The following TAF2 variants were observed in gnomAD, a reference collection of about 807,000 sequenced individuals.
TAF2 encodes transcription initiation factor TFIID subunit 2.
In TAF2, 61 loss-of-function variants were observed where a neutral mutation model predicts 138.5. That is an observed-to-expected ratio of 0.44 (90% confidence interval 0.36 to 0.54). The LOEUF (loss-of-function observed/expected upper bound fraction) is 0.54. TAF2 is among the 20% of genes least tolerant of loss of function. TAF2 has a pLI of 0.00. For missense variants in TAF2, 1,090 were observed against 1,427.9 expected, an observed-to-expected ratio of 0.76 and a Z score of 3.81; for synonymous variants, 475 against 469.9, an observed-to-expected ratio of 1.01 and a Z score of -0.14.
chr8:119,823,158 A>C (rs888637992), intron 2 of TAF2, among the ~76,000 whole-genome samples: 2 of 152,200 alleles, frequency 1.3e-5, no homozygotes, highest in African/African-American at 4.8e-5. Flanking sequence ...CTTTAGATCT[A>C]TGCTATCCTC....
Position 119,832,575 on chromosome 8 carries a change from C to T in TAF2, c.-11G>A, listed in dbSNP as rs372350242. On this transcript the variant is annotated 5_prime_UTR_variant, in exon 1 of 26. Transcript: ENST00000378164. ...ACCAGTCAGCGGCATGAAGCGGTCC[C>T]GCGGAGCTTGGCTTCCCGGCTTCCT... 6.2e-7 allele frequency: 1 copy of T among 1,612,258 alleles called. No homozygotes were observed. Among genetic ancestry groups the T allele is most frequent in the Non-Finnish European group, 8.5e-7 (1 of 1,179,908 alleles).
At chr8:119,811,578 G>A (rs948356543) in intron 3 of TAF2, among the ~76,000 whole-genome samples, 7 of 151,716 alleles carry the variant, frequency 4.6e-5, no homozygotes, top group East Asian at 1.9e-4. Context: ...AGGCCGAGGC[G>A]GGCAGATCAC....
At chr8:119,800,653 T>C (rs1824192043) in intron 6 of TAF2, among the ~76,000 whole-genome samples, 1 of 152,034 alleles carries the variant, frequency 6.6e-6, no homozygotes, top group South Asian at 2.1e-4. Context: ...TTAAAAAGAG[T>C]CATTGTTAAG....
chr8:119,746,704 C>T lies in TAF2; in HGVS notation c.3108+1G>A. 6.2e-7 allele frequency: 1 copy of T among 1,613,868 alleles called. No individual in the cohort carries two copies. Among genetic ancestry groups the T allele is most frequent in the Non-Finnish European group, 8.5e-7 (1 of 1,179,776 alleles). ...TCTTCTGTAATACATGTGATTCTTACAGGGTTCTGAAATCCAACTAGCTGT... is the reference window on the plus strand; with the variant it reads ...TCTTCTGTAATACATGTGATTCTTATAGGGTTCTGAAATCCAACTAGCTGT... On this transcript the variant is annotated splice_donor_variant, in intron 23 of 25. Coordinates refer to ENST00000378164, the MANE Select transcript of TAF2 (RefSeq NM_003184.4). LOFTEE classifies it high-confidence loss of function.
intron 22 of TAF2, among the ~76,000 whole-genome samples, chr8:119,755,565 T>C (rs1406747636): frequency 1.3e-5 from 2 of 152,054 alleles, no homozygotes; most frequent in Non-Finnish European, 2.9e-5. Flanking sequence ...AGAACAATAA[T>C]AATAAGTATT....
intron 25 of TAF2, among the ~76,000 whole-genome samples, chr8:119,735,409 A>AT (rs1041125730): frequency 6.6e-6 from 1 of 152,186 alleles, no homozygotes; most frequent in African/African-American, 2.4e-5. Context: ...AAGGTCACTG[A>AT]TTTTGAGGAG....
intron 14 of TAF2, among the ~76,000 whole-genome samples, chr8:119,785,744 G>A (rs116447322): frequency 6.6e-6 from 1 of 152,206 alleles, no homozygotes; most frequent in African/African-American, 2.4e-5. Flanking sequence ...TACGCACAAG[G>A]TTCAAGATAA....
At chr8:119,832,356 C>T in intron 1 of TAF2, 126 bp downstream of exon 1, 1 of 829,506 alleles carries the variant, frequency 1.2e-6, no homozygotes, top group African/African-American at 1.7e-5. Context: ...CCATTTCCAT[C>T]ACAGTGAGTA....
chr8:119,747,142 T>C (rs1418449758), intron 22 of TAF2, among the ~76,000 whole-genome samples: 1 of 152,178 alleles, frequency 6.6e-6, no homozygotes, highest in African/African-American at 2.4e-5. Context: ...CTTTTTATTC[T>C]TTCTCCTCAG....
intron 18 of TAF2, among the ~76,000 whole-genome samples, chr8:119,770,054 G>GC: frequency 8.1e-6 from 1 of 123,200 alleles, no homozygotes; most frequent in Non-Finnish European, 1.7e-5. Flanking sequence ...ACTGCACGCA[G>GC]CCCCCAATTT....
At chr8:119,746,512 T>C (rs1030908407) in intron 23 of TAF2, among the ~76,000 whole-genome samples, 193 bp downstream of exon 23, 3 of 152,196 alleles carry the variant, frequency 2.0e-5, no homozygotes, top group East Asian at 1.9e-4. Context: ...TCATTCGTTA[T>C]GTGCAGTTTT....
intron 6 of TAF2, among the ~76,000 whole-genome samples, chr8:119,798,806 AC>A: frequency 6.6e-6 from 1 of 152,306 alleles, no homozygotes; most frequent in African/African-American, 2.4e-5. Flanking sequence ...ATTAGAGGCT[AC>A]CATAAGAGTG....
chr8:119,745,657 C>G (rs893318887), intron 23 of TAF2, among the ~76,000 whole-genome samples: 1 of 151,544 alleles, frequency 6.6e-6, no homozygotes, highest in Non-Finnish European at 1.5e-5. Context: ...ATTTTGTCAT[C>G]AATAAAAAAA....
At chr8:119,792,405 C>A (rs946759823) in intron 10 of TAF2, among the ~76,000 whole-genome samples, 1 of 152,044 alleles carries the variant, frequency 6.6e-6, no homozygotes, top group Non-Finnish European at 1.5e-5. Flanking sequence ...ACCTGCCCAG[C>A]GTCCCAAAGT....
At chr8:119,809,976 G>C (rs1483112913) in intron 3 of TAF2, among the ~76,000 whole-genome samples, 2 of 131,262 alleles carry the variant, frequency 1.5e-5, no homozygotes, top group African/African-American at 5.7e-5. Flanking sequence ...TTGATGTAAG[G>C]TTATCACAAA....
chr8:119,806,497 T>A, intron 3 of TAF2, 96 bp from the exon 4 acceptor site: 1 of 934,780 alleles, frequency 1.1e-6, no homozygotes, highest in Non-Finnish European at 1.6e-6. Flanking sequence ...TTAGATGAAG[T>A]CTCACTCTGT....
intron 2 of TAF2, among the ~76,000 whole-genome samples, chr8:119,822,973 T>C (rs959734956): frequency 1.3e-5 from 2 of 152,212 alleles, no homozygotes; most frequent in Admixed American, 1.3e-4. Context: ...CTGTTTCACG[T>C]ACCCATCTTT....
chr8:119,732,442 A>G (rs971376082), intron 25 of TAF2, among the ~76,000 whole-genome samples: 8 of 152,294 alleles, frequency 5.3e-5, no homozygotes, highest in African/African-American at 1.9e-4. Context: ...TTACCAAATC[A>G]TCTTTTAAAA....
intron 17 of TAF2, among the ~76,000 whole-genome samples, chr8:119,780,779 C>CA (rs1258377877): frequency 6.6e-6 from 1 of 151,696 alleles, no homozygotes; most frequent in Non-Finnish European, 1.5e-5. Context: ...ACTAAAAATA[C>CA]AAAAAATTAG....
Sources: gnomAD v4.1 joint callset for allele counts (sites outside exome capture counted in the v4.1 genomes callset) on GRCh38, gnomAD v4.1.1 for gene constraint, MANE v1.5 for transcripts, NCBI Gene and HGNC (gene_info 2026-07-23, HGNC 2026-07-21) for gene names.